CSMD1: variants seen among roughly 807,000 people sequenced by gnomAD.
CSMD1 encodes the protein CUB and Sushi multiple domains 1.
CSMD1 carries 213 observed loss-of-function variants against 417.5 expected under a neutral mutation model. The observed-to-expected ratio is 0.51, with a 90% CI of 0.46 to 0.57. CSMD1 has a LOEUF of 0.57. CSMD1 is among the 20% of genes least tolerant of loss of function. CSMD1 has a pLI of 0.00. For synonymous variants in CSMD1, 2,862 were observed against 1,736.8 expected (o/e 1.65, Z -16.11); for missense variants, 6,923 against 4,529.7 (o/e 1.53, Z -15.17).
intron 7 of CSMD1, among the ~76,000 whole-genome samples, chr8:3,694,847 C>G (rs1307538459): frequency 6.6e-6 from 1 of 151,922 alleles, no homozygotes; most frequent in Non-Finnish European, 1.5e-5. Context: ...GGACATGAAG[C>G]AATACCGGAT....
Position 4,225,957 on chromosome 8 carries a change from TGTTGA to T in CSMD1, c.416-193863_416-193859del, listed in dbSNP as rs1054443363. ...AGAATTTATTTGAATGTGAATTTCA[TGTTGA>T]GTTATTTGATAGATTCAAGTTCAAG... On this transcript the variant is annotated intron_variant, in intron 3 of 69. Transcript: ENST00000635120. Among the ~76,000 whole-genome samples, 20 of 152,150 alleles carry T rather than the reference TGTTGA, an allele frequency of 1.3e-4. 1 individual carries two copies. The highest frequency in any genetic ancestry group is 2.6e-4 in the Admixed American group (4 of 15,270).
chr8:4,474,964 G>C (rs1427704731), intron 2 of CSMD1, among the ~76,000 whole-genome samples: 1 of 152,078 alleles, frequency 6.6e-6, no homozygotes, highest in Non-Finnish European at 1.5e-5. Flanking sequence ...AAGATTCCTG[G>C]TCAACTACAG....
intron 3 of CSMD1, among the ~76,000 whole-genome samples, chr8:4,205,663 G>A (rs1799936490): frequency 6.6e-6 from 1 of 152,156 alleles, no homozygotes; most frequent in Admixed American, 6.5e-5. Context: ...AACGGCTGTT[G>A]TGGCTCATTT....
At chr8:4,549,826 G>A (rs1386384127) in intron 2 of CSMD1, among the ~76,000 whole-genome samples, 2 of 148,084 alleles carry the variant, frequency 1.4e-5, no homozygotes, top group Non-Finnish European at 3.0e-5. Context: ...CAGCCCAGGA[G>A]GCAGAGGTTG....
intron 5 of CSMD1, among the ~76,000 whole-genome samples, chr8:3,791,754 T>G (rs1000503503): frequency 9.2e-5 from 14 of 151,950 alleles, no homozygotes; most frequent in Non-Finnish European, 2.1e-4. Context: ...GCCTGGGAGG[T>G]GGAAGTTGCA....
At chr8:3,983,879 A>G (rs1814100716) in intron 5 of CSMD1, among the ~76,000 whole-genome samples, 1 of 151,540 alleles carries the variant, frequency 6.6e-6, no homozygotes, top group African/African-American at 2.4e-5. Flanking sequence ...AGCAGATCTA[A>G]TGGGACTGTC....
At chr8:2,949,174 T>C (rs1802451077) in intron 68 of CSMD1, 125 bp downstream of exon 68, 12 of 603,986 alleles carry the variant, frequency 2.0e-5, no homozygotes, top group Non-Finnish European at 3.5e-5. Flanking sequence ...CTGTAAAATA[T>C]GTTAGTCTCT....
At chr8:3,222,268 G>A (rs1477295983) in intron 28 of CSMD1, among the ~76,000 whole-genome samples, 1 of 151,986 alleles carries the variant, frequency 6.6e-6, no homozygotes, top group Non-Finnish European at 1.5e-5. Flanking sequence ...CAAATGAGTT[G>A]CACTTTATGG....
At chr8:3,273,326 C>A (rs1046283327) in intron 26 of CSMD1, among the ~76,000 whole-genome samples, 11 of 151,976 alleles carry the variant, frequency 7.2e-5, no homozygotes, top group South Asian at 2.1e-4. Flanking sequence ...CTGCTGGATT[C>A]GGTTTGCCAG....
At chr8:3,942,264 T>A (rs920896308) in intron 5 of CSMD1, among the ~76,000 whole-genome samples, 1 of 152,144 alleles carries the variant, frequency 6.6e-6, no homozygotes, top group African/African-American at 2.4e-5. Context: ...AACTGCACCA[T>A]AAATGTAATG....
At chr8:3,267,299 G>T (rs1424736221) in intron 26 of CSMD1, among the ~76,000 whole-genome samples, 2 of 152,210 alleles carry the variant, frequency 1.3e-5, no homozygotes. Context: ...CTCACAAGGC[G>T]TGATATCCCA....
chr8:3,921,057 T>C (rs1809218450), intron 5 of CSMD1, among the ~76,000 whole-genome samples: 1 of 152,192 alleles, frequency 6.6e-6, no homozygotes, highest in African/African-American at 2.4e-5. Flanking sequence ...TAGTGTTTCT[T>C]TAAATGTTCG....
chr8:4,159,311 A>G (rs1340485589), intron 3 of CSMD1, among the ~76,000 whole-genome samples: 2 of 152,352 alleles, frequency 1.3e-5, no homozygotes, highest in African/African-American at 4.8e-5. Flanking sequence ...TTTAAAAGCT[A>G]AATTAATGTC....
At chr8:4,721,562 A>G (rs1380126783) in intron 1 of CSMD1, among the ~76,000 whole-genome samples, 1 of 152,198 alleles carries the variant, frequency 6.6e-6, no homozygotes, top group Non-Finnish European at 1.5e-5. Context: ...TGAAAGATAA[A>G]TGTTGACAAA....
intron 5 of CSMD1, among the ~76,000 whole-genome samples, chr8:3,783,876 A>G (rs1369945863): frequency 6.6e-6 from 1 of 151,346 alleles, no homozygotes. Context: ...GAGCACATGA[A>G]CTAGACTCGG....
intron 47 of CSMD1, among the ~76,000 whole-genome samples, chr8:3,092,593 A>G (rs1400971684): frequency 1.3e-5 from 2 of 152,200 alleles, no homozygotes; most frequent in East Asian, 3.9e-4. Context: ...TGAAATTCAT[A>G]TCTAGTTTTT....
chr8:4,086,014 C>G (rs901965325), intron 3 of CSMD1, among the ~76,000 whole-genome samples: 4 of 152,166 alleles, frequency 2.6e-5, no homozygotes, highest in Admixed American at 1.3e-4. Flanking sequence ...CAAGGACTAA[C>G]AAAGGTGTGG....
chr8:3,879,580 C>T (rs17067846), intron 5 of CSMD1, among the ~76,000 whole-genome samples: 35,156 of 152,092 alleles, frequency 0.23, 5,403 homozygotes, highest in African/African-American at 0.44. Context: ...CCTTAACAAT[C>T]ACATAGCTAT....
intron 5 of CSMD1, among the ~76,000 whole-genome samples, chr8:3,821,275 T>C (rs1801720918): frequency 6.6e-6 from 1 of 152,126 alleles, no homozygotes; most frequent in Non-Finnish European, 1.5e-5. Flanking sequence ...ATCAAAAGTA[T>C]AGGAAATACA....
Sources: allele counts gnomAD v4.1 joint callset (sites outside exome capture counted in the v4.1 genomes callset), GRCh38; gene constraint gnomAD v4.1.1; transcripts MANE v1.5; gene names NCBI Gene and HGNC (gene_info 2026-07-23, HGNC 2026-07-21).